The following APBB2 variants were observed in gnomAD, a reference collection of about 807,000 sequenced individuals.
The protein encoded by APBB2 is Fe65-like 1.
Under a neutral mutation model 82.5 loss-of-function variants are expected in APBB2, and 38 were observed. The observed-to-expected ratio is 0.46, with a 90% CI of 0.36 to 0.60. The LOEUF (loss-of-function observed/expected upper bound fraction) is 0.60. APBB2 is among the 20% of genes least tolerant of loss of function. The probability of loss-of-function intolerance (pLI) is 0.00; values close to 1 mark genes in which losing one functional copy is unlikely to be tolerated. For synonymous variants in APBB2, 341 were observed against 368.2 expected, an observed-to-expected ratio of 0.93 and a Z score of 0.85; for missense variants, 772 against 972.3, an observed-to-expected ratio of 0.79 and a Z score of 2.74.
At chr4:41,170,657 T>C (rs1220172668) in intron 1 of APBB2, among the ~76,000 whole-genome samples, 2 of 152,114 alleles carry the variant, frequency 1.3e-5, no homozygotes, top group African/African-American at 2.4e-5. Flanking sequence ...TAATCCTGGA[T>C]TGGATCCTAG....
At chr4:40,937,665 C>A (rs1020269972) in intron 7 of APBB2, among the ~76,000 whole-genome samples, 3 of 152,276 alleles carry the variant, frequency 2.0e-5, no homozygotes, top group African/African-American at 7.2e-5. Flanking sequence ...GGCCAAAGAT[C>A]TTTTTTCCCC....
At chr4:40,934,548 A>G (rs1392465047) in intron 9 of APBB2, 32 bp from the exon 10 acceptor site, 1 of 1,613,186 alleles carries the variant, frequency 6.2e-7, no homozygotes, top group Admixed American at 1.7e-5. Flanking sequence ...TGGACTTAGA[A>G]TTCTATTGCA....
intron 12 of APBB2, among the ~76,000 whole-genome samples, chr4:40,849,278 G>A (rs1758567505): frequency 6.6e-6 from 1 of 152,158 alleles, no homozygotes. Context: ...GTTCTGAGAA[G>A]ATTATTAATC....
At chr4:41,099,516 T>C (rs1478638178) in intron 3 of APBB2, among the ~76,000 whole-genome samples, 3 of 152,152 alleles carry the variant, frequency 2.0e-5, no homozygotes, top group East Asian at 1.9e-4. Context: ...TCAGTACAAA[T>C]ATTTAACTTC....
At chr4:40,975,857 G>C (rs1797064539) in intron 6 of APBB2, among the ~76,000 whole-genome samples, 1 of 151,248 alleles carries the variant, frequency 6.6e-6, no homozygotes, top group Admixed American at 6.6e-5. Context: ...ATTCTCTACT[G>C]ATTTCTTATT....
chr4:41,203,674 A>C (rs1000557578), intron 1 of APBB2, among the ~76,000 whole-genome samples: 1 of 152,146 alleles, frequency 6.6e-6, no homozygotes, highest in African/African-American at 2.4e-5. Flanking sequence ...AAGTTCCCAG[A>C]AACAGTAGGA....
At chr4:41,141,289 T>C (rs1217957666) in intron 2 of APBB2, among the ~76,000 whole-genome samples, 1 of 151,912 alleles carries the variant, frequency 6.6e-6, no homozygotes, top group Non-Finnish European at 1.5e-5. Flanking sequence ...CACTGCTGAA[T>C]TGCAGGTCAA....
chr4:41,082,486 G>C (rs1738003425), intron 3 of APBB2, among the ~76,000 whole-genome samples: 1 of 152,070 alleles, frequency 6.6e-6, no homozygotes, highest in East Asian at 1.9e-4. Context: ...AATAGCAGCT[G>C]TTAATTTGAA....
rs1560636442 is a variant in APBB2 at position 40,832,006 on chromosome 4, A to T, written c.1530-1429T>A. On this transcript the variant is annotated intron_variant, in intron 12 of 17. Transcript: ENST00000508593. This position sits in a 1 kb window ranked among gnomAD's most constrained non-coding sequence, Gnocchi z 4.8. ...TACACACACACATATTTATATATTT[A>T]TTTATATACACACACACACACACAC... is the stretch of plus-strand genomic sequence containing the variant. Among the ~76,000 whole-genome samples, 1 of 102,976 alleles carries T rather than the reference A, an allele frequency of 9.7e-6. No homozygotes were observed. The highest frequency in any genetic ancestry group is 4.5e-5 in the African/African-American group (1 of 22,070). 67.6% of individuals were successfully genotyped at this position (102,976 alleles called of 152,430 possible).
intron 2 of APBB2, among the ~76,000 whole-genome samples, chr4:41,133,667 A>G (rs1756723615): frequency 6.6e-6 from 1 of 152,242 alleles, no homozygotes; most frequent in Non-Finnish European, 1.5e-5. Context: ...TTAACTAAGA[A>G]TGCTACCAGG....
At chr4:40,854,790 CA>C (rs80240731) in intron 12 of APBB2, among the ~76,000 whole-genome samples, 19,845 of 124,178 alleles carry the variant, frequency 0.16, 1,149 homozygotes, top group African/African-American at 0.19. Context: ...AGTCCATCTC[CA>C]AAAAAAAAAA....
intron 1 of APBB2, among the ~76,000 whole-genome samples, chr4:41,151,668 A>C (rs964667402): frequency 6.6e-6 from 1 of 152,108 alleles, no homozygotes; most frequent in African/African-American, 2.4e-5. Flanking sequence ...CGTTTTGAAG[A>C]TATTTTTCCA....
chr4:40,946,232 C>CAAAAAAAA (rs55995119), intron 6 of APBB2, among the ~76,000 whole-genome samples: 1 of 78,692 alleles, frequency 1.3e-5, no homozygotes, highest in African/African-American at 5.1e-5. Flanking sequence ...ACTCTATCTC[C>CAAAAAAAA]AAAAAAAAAA....
chr4:41,155,844 G>A (rs1433328613), intron 1 of APBB2, among the ~76,000 whole-genome samples: 2 of 152,180 alleles, frequency 1.3e-5, no homozygotes, highest in East Asian at 3.8e-4. Flanking sequence ...AGGCCCTCCA[G>A]AAATATCTGT....
chr4:40,916,058 G>T (rs1003681073), intron 10 of APBB2, among the ~76,000 whole-genome samples: 1 of 152,148 alleles, frequency 6.6e-6, no homozygotes. Flanking sequence ...TAATGCAAAG[G>T]TGAAGTAAAT....
At chr4:41,129,689 A>G (rs1475468050) in intron 2 of APBB2, among the ~76,000 whole-genome samples, 1 of 152,056 alleles carries the variant, frequency 6.6e-6, no homozygotes, top group Admixed American at 6.6e-5. Flanking sequence ...CATTCCTTCA[A>G]CAAATATTTA....
At chr4:40,859,382 T>C (rs1762218915) in intron 12 of APBB2, among the ~76,000 whole-genome samples, 1 of 152,020 alleles carries the variant, frequency 6.6e-6, no homozygotes. Context: ...GTGATCCTCA[T>C]GCTTCAGAGA....
intron 3 of APBB2, among the ~76,000 whole-genome samples, chr4:41,099,744 A>G (rs1336527910): frequency 1.3e-5 from 2 of 152,172 alleles, no homozygotes; most frequent in Non-Finnish European, 2.9e-5. Flanking sequence ...CCAGAAATAG[A>G]GTGGAGCTAT....
At chr4:40,875,916 G>A (rs1766773017) in intron 12 of APBB2, among the ~76,000 whole-genome samples, 1 of 152,170 alleles carries the variant, frequency 6.6e-6, no homozygotes, top group African/African-American at 2.4e-5. Flanking sequence ...TCTAGCTGCT[G>A]TTATGATCTG....
Sources: gnomAD v4.1 joint callset for allele counts (sites outside exome capture counted in the v4.1 genomes callset) on GRCh38, gnomAD v4.1.1 for gene constraint, Gnocchi (gnomAD v3.1) non-coding constraint, MANE v1.5 for transcripts, NCBI Gene and HGNC (gene_info 2026-07-23, HGNC 2026-07-21) for gene names.